VPS8: variants seen among roughly 807,000 people sequenced by gnomAD.
The protein encoded by VPS8 is VPS8 subunit of CORVET complex, also known as vacuolar protein sorting-associated protein 8 homolog.
Under a neutral mutation model 216.4 loss-of-function variants are expected in VPS8, and 129 were observed. The observed-to-expected ratio is 0.60, with a 90% CI of 0.52 to 0.69. The LOEUF is 0.69. Among genes scored for constraint, VPS8 ranks in the 30% least tolerant of loss-of-function variants. The probability of loss-of-function intolerance (pLI) is 0.00; values close to 1 mark genes in which losing one functional copy is unlikely to be tolerated. For synonymous variants in VPS8, 571 were observed against 565.4 expected, an observed-to-expected ratio of 1.01 and a Z score of -0.14; for missense variants, 1,531 against 1,683.5, an observed-to-expected ratio of 0.91 and a Z score of 1.59.
intron 38 of VPS8, among the ~76,000 whole-genome samples, chr3:184,965,892 G>A (rs1271357711): frequency 6.6e-6 from 1 of 152,100 alleles, no homozygotes. Flanking sequence ...ATTTGCATAT[G>A]GTATGAGGTA....
intron 18 of VPS8, 44 bp from the exon 19 acceptor site, chr3:184,868,902 T>C: frequency 6.5e-7 from 1 of 1,539,434 alleles, no homozygotes; most frequent in Non-Finnish European, 8.8e-7. Flanking sequence ...GACTGGTGAC[T>C]GGTCAGACAA....
At chr3:184,898,482 C>A in intron 23 of VPS8, 83 bp from the exon 24 acceptor site, 1 of 1,087,104 alleles carries the variant, frequency 9.2e-7, no homozygotes, top group South Asian at 1.5e-5. Flanking sequence ...GAAGAGCATT[C>A]AAGACCTTTC....
At chr3:185,025,835 G>A (rs1757267232) in intron 46 of VPS8, among the ~76,000 whole-genome samples, 1 of 152,140 alleles carries the variant, frequency 6.6e-6, no homozygotes, top group African/African-American at 2.4e-5. Flanking sequence ...ACCAGACTTG[G>A]GTTCGAAGAT....
At chr3:184,850,253 T>C (rs973026050) in intron 10 of VPS8, among the ~76,000 whole-genome samples, 2 of 152,240 alleles carry the variant, frequency 1.3e-5, no homozygotes, top group African/African-American at 4.8e-5. Context: ...AATACTCAGC[T>C]TCAAGTTGTA....
chr3:184,947,967 G>C (rs1277333824), intron 36 of VPS8, among the ~76,000 whole-genome samples: 1 of 152,082 alleles, frequency 6.6e-6, no homozygotes, highest in Non-Finnish European at 1.5e-5. Context: ...CCAGATATTG[G>C]AGGAAACTAA....
intron 6 of VPS8, chr3:184,839,313 A>G (rs1577825884): frequency 5.1e-6 from 1 of 197,774 alleles, no homozygotes; most frequent in Middle Eastern, 2.0e-3. Flanking sequence ...CTGCGGATAA[A>G]CTAGAGAAGT....
intron 18 of VPS8, among the ~76,000 whole-genome samples, 158 bp from the exon 19 acceptor site, chr3:184,868,788 A>G (rs1727824962): frequency 6.6e-6 from 1 of 152,178 alleles, no homozygotes; most frequent in African/African-American, 2.4e-5. Context: ...CTAGTGCTTG[A>G]AGATATTATT....
intron 45 of VPS8, among the ~76,000 whole-genome samples, chr3:185,009,924 A>AG (rs1386744395): frequency 6.9e-6 from 1 of 145,510 alleles, no homozygotes; most frequent in African/African-American, 2.5e-5. Flanking sequence ...GTAACTTTTG[A>AG]GTATTCAGTT....
At chr3:185,035,272 A>G (rs1481593538) in intron 46 of VPS8, among the ~76,000 whole-genome samples, 1 of 152,114 alleles carries the variant, frequency 6.6e-6, no homozygotes, top group Admixed American at 6.6e-5. Flanking sequence ...GCCAGCATCA[A>G]CCTAATACCA....
At chr3:185,012,302 AATTAT>A (rs1755131350) in intron 45 of VPS8, among the ~76,000 whole-genome samples, 1 of 147,310 alleles carries the variant, frequency 6.8e-6, no homozygotes, top group Non-Finnish European at 1.5e-5. Context: ...TATATTATAT[AATTAT>A]ATTTATAATT....
At chr3:184,894,454 A>G (rs1342617464) in intron 22 of VPS8, among the ~76,000 whole-genome samples, 2 of 150,666 alleles carry the variant, frequency 1.3e-5, no homozygotes, top group African/African-American at 4.9e-5. Context: ...CTGATTTGTT[A>G]AAGAAGTGTT....
At chr3:184,854,482 T>C (rs1724875250) in intron 13 of VPS8, among the ~76,000 whole-genome samples, 1 of 152,246 alleles carries the variant, frequency 6.6e-6, no homozygotes, top group East Asian at 1.9e-4. Flanking sequence ...TGTATATTGC[T>C]GTCCTGGTAC....
intron 46 of VPS8, among the ~76,000 whole-genome samples, chr3:185,041,447 A>G (rs903533600): frequency 2.6e-5 from 4 of 151,910 alleles, no homozygotes; most frequent in Non-Finnish European, 4.4e-5. Context: ...ATACTATCCT[A>G]TGCCCTCTAT....
At chr3:184,944,713 A>G (rs1180935751) in intron 36 of VPS8, 1 of 407,810 alleles carries the variant, frequency 2.5e-6, no homozygotes, top group Non-Finnish European at 3.3e-6. Flanking sequence ...TGTAGGAAAA[A>G]AACACATACG....
At chr3:184,969,901 CTTT>C (rs755680287) in intron 39 of VPS8, among the ~76,000 whole-genome samples, 50 of 110,220 alleles carry the variant, frequency 4.5e-4, no homozygotes, top group African/African-American at 1.7e-3. Flanking sequence ...TACTTTCTTA[CTTT>C]TTTTTTTTTT....
chr3:184,924,658 A>C (rs575287777), intron 29 of VPS8, among the ~76,000 whole-genome samples: 116 of 152,306 alleles, frequency 7.6e-4, no homozygotes, highest in African/African-American at 2.7e-3. Context: ...AAATAGGCCA[A>C]AAATCACTAA....
chr3:184,846,683 A>G lies in VPS8; in HGVS notation c.542-2388A>G, dbSNP rs1577869008. ...TCTGTGCCTGGAAGGCAAGCGGTCC[A>G]AACTCCAGGGTATGAAATTTCATAC... On this transcript the variant is annotated intron_variant, in intron 8 of 47. Coordinates refer to ENST00000625842, the MANE Select transcript of VPS8 (RefSeq NM_001009921.3). Among the ~76,000 whole-genome samples, 7 of 152,364 alleles carry G rather than the reference A, an allele frequency of 4.6e-5. No homozygotes were observed. In the South Asian group the frequency reaches 1.4e-3, roughly 32 times the overall value.
At chr3:184,975,026 C>G (rs1749035848) in intron 40 of VPS8, among the ~76,000 whole-genome samples, 1 of 151,960 alleles carries the variant, frequency 6.6e-6, no homozygotes, top group Admixed American at 6.6e-5. Context: ...TTCAGGATTG[C>G]TTTTGCCATT....
chr3:184,957,603 A>G, intron 37 of VPS8, 82 bp downstream of exon 37: 2 of 1,409,868 alleles, frequency 1.4e-6, no homozygotes, highest in Non-Finnish European at 1.9e-6. Context: ...ACAAGGGGAA[A>G]AAATATATAA....
Sources: allele counts gnomAD v4.1 joint callset (sites outside exome capture counted in the v4.1 genomes callset), GRCh38; gene constraint gnomAD v4.1.1; transcripts MANE v1.5; gene names NCBI Gene and HGNC (gene_info 2026-07-23, HGNC 2026-07-21).